The following NKAIN2 variants were observed in gnomAD, a reference collection of about 807,000 sequenced individuals.
NKAIN2 encodes sodium/potassium transporting ATPase interacting 2.
In NKAIN2, 14 loss-of-function variants were observed where a neutral mutation model predicts 32.6. The observed-to-expected ratio is 0.43, with a 90% CI of 0.28 to 0.67. The LOEUF is 0.67. Ranked by LOEUF, NKAIN2 falls within the 30% of genes least tolerant of loss-of-function variation. NKAIN2 has a pLI of 0.17. For missense variants in NKAIN2, 198 were observed against 258.3 expected (o/e 0.77, Z 1.60); for synonymous variants, 80 against 87.2 (o/e 0.92, Z 0.46).
chr6:124,810,491 G>A lies in NKAIN2; in HGVS notation c.536-7896G>A, dbSNP rs146724052. On this transcript the variant is annotated intron_variant, in intron 5 of 6. Coordinates refer to ENST00000368417, the MANE Select transcript of NKAIN2 (RefSeq NM_001040214.3). ...CACTCTGAGGACTGTTGTGGGGTGGGGGGAGCGGGAAGGGATAGCATTGGG... is the reference window on the plus strand; with the variant it reads ...CACTCTGAGGACTGTTGTGGGGTGGAGGGAGCGGGAAGGGATAGCATTGGG... Among the ~76,000 whole-genome samples, 692 of 152,172 alleles carry A rather than the reference G, an allele frequency of 4.5e-3. 5 individuals carry two copies. The highest frequency in any genetic ancestry group is 0.016 in the African/African-American group (659 of 41,488).
intron 3 of NKAIN2, among the ~76,000 whole-genome samples, chr6:124,647,631 T>C (rs1784229172): frequency 2.0e-5 from 3 of 152,044 alleles, no homozygotes. Context: ...ATCATTGCTT[T>C]TTTAAAAACA....
At chr6:124,028,908 T>C (rs1222709541) in intron 1 of NKAIN2, among the ~76,000 whole-genome samples, 1 of 72,488 alleles carries the variant, frequency 1.4e-5, no homozygotes, top group Non-Finnish European at 2.3e-5. Context: ...TATATACACA[T>C]ATATGTATAT....
At chr6:123,992,954 AG>A (rs1159168021) in intron 1 of NKAIN2, among the ~76,000 whole-genome samples, 2 of 152,238 alleles carry the variant, frequency 1.3e-5, no homozygotes, top group Admixed American at 1.3e-4. Context: ...TTTGAAGCCC[AG>A]GTCTACCACT....
rs566800930 is a variant in NKAIN2 at position 124,682,440 on chromosome 6, A to G, written c.474+24054A>G. 7.2e-5 allele frequency among the ~76,000 whole-genome samples: 11 copies of G among 152,336 alleles called. No individual in the cohort carries two copies. In the East Asian group the frequency reaches 1.2e-3, roughly 16 times the overall value. ...AGGGTCACAATGTTTGAGTAGGAGCATAAGATTAAAAATATTTTATTAGCT... is the reference window on the plus strand; with the variant it reads ...AGGGTCACAATGTTTGAGTAGGAGCGTAAGATTAAAAATATTTTATTAGCT... On this transcript the variant is annotated intron_variant, in intron 4 of 6. Transcript: ENST00000368417.
intron 1 of NKAIN2, among the ~76,000 whole-genome samples, chr6:123,930,890 G>A (rs777086716): frequency 4.6e-5 from 7 of 152,064 alleles, no homozygotes; most frequent in Non-Finnish European, 7.4e-5. Flanking sequence ...TGGGGAATGT[G>A]GAACAAGTTA....
chr6:124,530,711 G>T (rs1032617468), intron 3 of NKAIN2, among the ~76,000 whole-genome samples: 1 of 152,194 alleles, frequency 6.6e-6, no homozygotes, highest in African/African-American at 2.4e-5. Context: ...TTGAAGGCCT[G>T]AAAATGGTGG....
chr6:124,089,690 T>C (rs913154237), intron 1 of NKAIN2, among the ~76,000 whole-genome samples: 2 of 151,986 alleles, frequency 1.3e-5, no homozygotes, highest in African/African-American at 4.8e-5. Context: ...AAGAAGGGAT[T>C]GTTCATTTGT....
At chr6:124,177,524 C>T (rs560929942) in intron 1 of NKAIN2, among the ~76,000 whole-genome samples, 1 of 152,130 alleles carries the variant, frequency 6.6e-6, no homozygotes, top group East Asian at 1.9e-4. Context: ...CATTATTACA[C>T]TTATCCTGGG....
chr6:124,651,012 G>C (rs1450121978), intron 3 of NKAIN2, among the ~76,000 whole-genome samples: 1 of 152,134 alleles, frequency 6.6e-6, no homozygotes, highest in Non-Finnish European at 1.5e-5. Context: ...TGGTGGGACA[G>C]ACATAAGGTA....
At chr6:124,175,613 T>C in intron 1 of NKAIN2, among the ~76,000 whole-genome samples, 1 of 152,210 alleles carries the variant, frequency 6.6e-6, no homozygotes, top group East Asian at 1.9e-4. Context: ...GATACATCTA[T>C]TGTTTTTATA....
At chr6:124,666,217 T>C (rs887837682) in intron 4 of NKAIN2, among the ~76,000 whole-genome samples, 1 of 152,120 alleles carries the variant, frequency 6.6e-6, no homozygotes, top group Non-Finnish European at 1.5e-5. Flanking sequence ...GAATAGTTTA[T>C]AAAAATAGTC....
At chr6:124,065,337 G>T (rs937501406) in intron 1 of NKAIN2, among the ~76,000 whole-genome samples, 2 of 151,998 alleles carry the variant, frequency 1.3e-5, no homozygotes, top group African/African-American at 2.4e-5. Flanking sequence ...ACGCACTGCA[G>T]TTCCCGCTTA....
rs561843839 is a variant in NKAIN2 at position 123,915,648 on chromosome 6, A to G, written c.54+111394A>G. Among the ~76,000 whole-genome samples the G allele has an allele frequency of 7.8e-4, 119 of 152,236 alleles. 1 individual carries two copies. The highest frequency in any genetic ancestry group is 1.2e-3 in the South Asian group (6 of 4,822). On this transcript the variant is annotated intron_variant, in intron 1 of 6. Coordinates refer to ENST00000368417, the MANE Select transcript of NKAIN2 (RefSeq NM_001040214.3). ...GATATACACGAGAGAAAATTCTACA[A>G]TTGGTTTTGATTGGGAAATACTTCA...
chr6:124,138,421 A>G (rs1468886437), intron 1 of NKAIN2, among the ~76,000 whole-genome samples: 2 of 152,084 alleles, frequency 1.3e-5, no homozygotes, highest in Non-Finnish European at 1.5e-5. Context: ...ACTATGGAAA[A>G]CAGTATGGAA....
intron 1 of NKAIN2, among the ~76,000 whole-genome samples, chr6:123,937,355 A>G (rs1230824705): frequency 6.6e-6 from 1 of 152,078 alleles, no homozygotes; most frequent in Non-Finnish European, 1.5e-5. Context: ...CATAAGCAGC[A>G]CAATTGGAAA....
At chr6:124,569,756 A>G (rs1781057211) in intron 3 of NKAIN2, among the ~76,000 whole-genome samples, 1 of 152,184 alleles carries the variant, frequency 6.6e-6, no homozygotes. Flanking sequence ...TGTCTTTATC[A>G]ACAGCATAAA....
intron 3 of NKAIN2, among the ~76,000 whole-genome samples, chr6:124,357,944 G>A (rs1450655679): frequency 2.0e-5 from 3 of 152,086 alleles, no homozygotes; most frequent in African/African-American, 4.8e-5. Context: ...CGCCACAACA[G>A]GCCCCTGTGT....
chr6:124,779,062 T>C (rs915649806), intron 4 of NKAIN2, among the ~76,000 whole-genome samples: 5 of 151,854 alleles, frequency 3.3e-5, no homozygotes, highest in African/African-American at 1.2e-4. Context: ...ATGGCAAAAC[T>C]TCCTCTCTAC....
chr6:124,161,229 G>A (rs919917927), intron 1 of NKAIN2, among the ~76,000 whole-genome samples: 4 of 152,062 alleles, frequency 2.6e-5, no homozygotes, highest in African/African-American at 9.7e-5. Context: ...AGGAGAAACA[G>A]GCATGTCTTA....
Sources: gnomAD v4.1 joint callset for allele counts (sites outside exome capture counted in the v4.1 genomes callset) on GRCh38, gnomAD v4.1.1 for gene constraint, MANE v1.5 for transcripts, NCBI Gene and HGNC (gene_info 2026-07-23, HGNC 2026-07-21) for gene names.